The following PC variants were observed in gnomAD, a reference collection of about 807,000 sequenced individuals.
PC encodes the protein pyruvate carboxylase, also known as pyruvate carboxylase, mitochondrial.
PC carries 46 observed loss-of-function variants against 107.8 expected under a neutral mutation model. That is an observed-to-expected ratio of 0.43 (90% CI 0.34 to 0.55). The LOEUF is 0.55. Among genes scored for constraint, PC ranks in the 20% least tolerant of loss-of-function variants. The pLI is 0.04. For missense variants in PC, 1,241 were observed against 1,643.1 expected, an observed-to-expected ratio of 0.76 and a Z score of 4.23; for synonymous variants, 662 against 684.7, an observed-to-expected ratio of 0.97 and a Z score of 0.52.
intron 3 of PC, among the ~76,000 whole-genome samples, chr11:66,942,842 G>C (rs1006629087): frequency 2.0e-5 from 3 of 151,696 alleles, no homozygotes; most frequent in Admixed American, 2.0e-4. Context: ...GAGAAAACCC[G>C]TCTCTACTAA....
intron 1 of PC, among the ~76,000 whole-genome samples, chr11:66,956,911 C>A (rs1755385242): frequency 6.6e-6 from 1 of 152,240 alleles, no homozygotes; most frequent in South Asian, 2.1e-4. Context: ...TTTTCTCTCT[C>A]CCCCAATGGG....
chr11:66,938,342 A>G (rs1454705380), intron 3 of PC, among the ~76,000 whole-genome samples: 2 of 152,130 alleles, frequency 1.3e-5, no homozygotes, highest in Non-Finnish European at 2.9e-5. Flanking sequence ...TCATTCCTTT[A>G]AATGGAGGAA....
chr11:66,869,338 C>T (rs1452653849), intron 9 of PC, among the ~76,000 whole-genome samples: 1 of 151,708 alleles, frequency 6.6e-6, no homozygotes, highest in Non-Finnish European at 1.5e-5. Flanking sequence ...CCTCTCCCAG[C>T]CGCTGCTTCT....
chr11:66,884,832 C>T (rs1256137776), intron 3 of PC, among the ~76,000 whole-genome samples: 2 of 152,138 alleles, frequency 1.3e-5, no homozygotes, highest in African/African-American at 2.4e-5. Context: ...CTGCGAGGGG[C>T]GACAGAGGCT....
intron 3 of PC, among the ~76,000 whole-genome samples, chr11:66,894,502 AG>A (rs1947679870): frequency 6.6e-6 from 1 of 152,232 alleles, no homozygotes; most frequent in African/African-American, 2.4e-5. Flanking sequence ...TGAACCCCCA[AG>A]GGCAGAACAG....
Position 66,945,484 on chromosome 11 carries a change from C to T in PC, c.-1+6946G>A, listed in dbSNP as rs1204585268. On this transcript the variant is annotated intron_variant, in intron 3 of 22. Transcript: ENST00000393960. ...AGAGGAAGACATTAGTAATGTGATA[C>T]TTCTATTTGAGGCACATGGGCTGTG... 4.6e-5 allele frequency among the ~76,000 whole-genome samples: 5 copies of T among 109,766 alleles called. 1 individual carries two copies. The highest frequency in any genetic ancestry group is 1.6e-4 in the African/African-American group (5 of 30,472). 72.0% of individuals were successfully genotyped at this position (109,766 alleles called of 152,430 possible).
At chr11:66,897,053 T>C (rs1490798290) in intron 3 of PC, among the ~76,000 whole-genome samples, 1 of 152,098 alleles carries the variant, frequency 6.6e-6, no homozygotes, top group Non-Finnish European at 1.5e-5. Flanking sequence ...TGCCTCAGCC[T>C]CCAGAGTAGC....
At chr11:66,897,501 G>C (rs1342150763) in intron 3 of PC, among the ~76,000 whole-genome samples, 1 of 152,184 alleles carries the variant, frequency 6.6e-6, no homozygotes, top group Admixed American at 6.5e-5. Flanking sequence ...AAACCCGGGA[G>C]GCAGAGGTTG....
chr11:66,895,458 G>A (rs535472941), intron 3 of PC, among the ~76,000 whole-genome samples: 1 of 152,172 alleles, frequency 6.6e-6, no homozygotes, highest in African/African-American at 2.4e-5. Flanking sequence ...AAGCAATTTG[G>A]AGGAAACCAA....
chr11:66,937,787 T>G lies in PC; in HGVS notation c.-1+14643A>C, dbSNP rs576647742. On this transcript the variant is annotated intron_variant, in intron 3 of 22. Transcript: ENST00000393960. ...AATTTCTGGGTTTTTTTTGTTTTTTTTTTTTTTGAGACTGAGTCTTGCTCT... is the reference window on the plus strand; with the variant it reads ...AATTTCTGGGTTTTTTTTGTTTTTTGTTTTTTTGAGACTGAGTCTTGCTCT... 1.3e-3 allele frequency among the ~76,000 whole-genome samples: 195 copies of G among 151,626 alleles called. 1 individual carries two copies. The highest frequency in any genetic ancestry group is 2.5e-3 in the Non-Finnish European group (167 of 67,870).
In PC at chr11:66,866,040, C is replaced by G; in HGVS notation, c.1185+147G>C. On this transcript the variant is annotated intron_variant, in intron 11 of 22. Transcript: ENST00000393960. The surrounding 1 kb of genome is among the most constrained non-coding windows in gnomAD (Gnocchi z 5.4). ...CGCCCCTCCTCTGGGCACTGCCTGC[C>G]TCCGTGTACTCTATGTCCACTTCAG... The G allele has an allele frequency of 1.1e-6, 1 of 896,938 alleles. No individual in the cohort carries two copies. The highest frequency in any genetic ancestry group is 1.7e-5 in the South Asian group (1 of 60,126). 55.6% of individuals were successfully genotyped at this position (896,938 alleles called of 1,614,324 possible). A position where few individuals can be genotyped will look rare whatever the true frequency, so the allele number is the denominator to read the frequency against.
intron 16 of PC, among the ~76,000 whole-genome samples, 189 bp downstream of exon 16, chr11:66,851,582 CAGGAGTGAGGGAGTGATTT>C (rs1945493355): frequency 6.6e-6 from 1 of 152,214 alleles, no homozygotes; most frequent in Admixed American, 6.5e-5. Context: ...TCCACTGCCC[CAGGAGTGAGGGAGTGATTT>C]AGAAGCCTGT....
intron 3 of PC, among the ~76,000 whole-genome samples, chr11:66,888,847 G>A (rs538308225): frequency 2.0e-4 from 30 of 152,272 alleles, no homozygotes; most frequent in African/African-American, 7.2e-4. Flanking sequence ...AGGCCCAGGC[G>A]GGCAAATCAC....
chr11:66,872,330 CCAACCCCAAATG>C (rs1316587008), intron 3 of PC, among the ~76,000 whole-genome samples, 171 bp from the exon 4 acceptor site: 1 of 152,042 alleles, frequency 6.6e-6, no homozygotes, highest in Admixed American at 6.6e-5. Flanking sequence ...GGGAGCAAAT[CCAACCCCAAATG>C]GAACCCCCAG....
At chr11:66,875,612 G>A (rs1374604476) in intron 3 of PC, among the ~76,000 whole-genome samples, 1 of 152,040 alleles carries the variant, frequency 6.6e-6, no homozygotes, top group African/African-American at 2.4e-5. Context: ...CGCACGGGTC[G>A]CTGGGCAGAA....
rs1176162642 is a variant in PC, at chr11:66,871,026, T to C, written c.633+26A>G. ...CCCACGGCAGGCTGCCCTGCCCTGC[T>C]CCCAGCCCTGGGCATCTTCACTCAC... On this transcript the variant is annotated intron_variant, in intron 7 of 22. Coordinates refer to ENST00000393960, the MANE Select transcript of PC (RefSeq NM_001040716.2). This position sits in a 1 kb window ranked among gnomAD's most constrained non-coding sequence, Gnocchi z 7.4. The C allele has an allele frequency of 6.2e-7, 1 of 1,613,504 alleles. No homozygotes were observed. Among genetic ancestry groups the C allele is most frequent in the Non-Finnish European group, 8.5e-7 (1 of 1,179,772 alleles).
chr11:66,911,360 T>C (rs938711949), intron 3 of PC, among the ~76,000 whole-genome samples: 5 of 152,160 alleles, frequency 3.3e-5, no homozygotes, highest in African/African-American at 1.2e-4. Context: ...TGGGCTTCAG[T>C]TTCTTCCCCC....
In PC at chr11:66,849,066, T is replaced by G. The variant is rs757532320; in HGVS notation, c.3370A>C (p.Lys1124Gln). ...GCCACCTTGGCCCCTGCCACCACTT[T>G]GATGTCTATCACCTTCCCAGGCATG... ...APMPGKVIDI[K>Q]VVAGAKVAKG... Residue 1124 changes from lysine to glutamine, a missense_variant, in exon 23 of 23, where the codon AAA becomes CAA. By Grantham distance (53) the Lys-to-Gln change is moderately conservative (BLOSUM62 1). Coordinates refer to ENST00000393960, the MANE Select transcript of PC (RefSeq NM_001040716.2). The G allele has an allele frequency of 6.2e-7, 1 of 1,614,086 alleles. No homozygotes were observed.
rs949287081 is a variant in PC at position 66,864,062 on chromosome 11, G to C, written c.1186-106C>G. ...GTGCACCCAGCAGCTGCTGAGAGCA[G>C]AGCGTGGGGTGTCTGCAGGTGAATC... On this transcript the variant is annotated intron_variant, in intron 11 of 22. Coordinates refer to ENST00000393960, the MANE Select transcript of PC (RefSeq NM_001040716.2). 6.2e-5 allele frequency: 70 copies of C among 1,128,796 alleles called. No homozygotes were observed. In the African/African-American group the frequency reaches 9.3e-4, roughly 15 times the overall value. The allele number at this position is 1,128,796 out of a possible 1,614,324, so 69.9% of individuals were successfully genotyped here.
Sources: allele counts gnomAD v4.1 joint callset (sites outside exome capture counted in the v4.1 genomes callset), GRCh38; gene constraint gnomAD v4.1.1; non-coding constraint Gnocchi (gnomAD v3.1); transcripts MANE v1.5; gene names NCBI Gene and HGNC (gene_info 2026-07-23, HGNC 2026-07-21).